Variants in TIAM2 observed in about 807,000 individuals in gnomAD.
TIAM2 encodes TIAM Rac1 associated GEF 2.
Under a neutral mutation model 152.9 loss-of-function variants are expected in TIAM2, and 80 were observed. The observed-to-expected ratio is 0.52, with a 90% CI of 0.44 to 0.63. The LOEUF (loss-of-function observed/expected upper bound fraction) is 0.63. Ranked by LOEUF, TIAM2 falls within the 30% of genes least tolerant of loss-of-function variation. The pLI is 0.00. For synonymous variants in TIAM2, 804 were observed against 838.0 expected (o/e 0.96, Z 0.70); for missense variants, 1,965 against 2,120.1 (o/e 0.93, Z 1.44).
rs1554227485 is a variant in TIAM2, at chr6:155,059,321, T to TGC, written c.-208-30967_-208-30966insCG. Among the ~76,000 whole-genome samples, 3 of 117,376 alleles carry TGC rather than the reference T, an allele frequency of 2.6e-5. No homozygotes were observed. The East Asian group carries it at 6.5e-4, about 25-fold the overall frequency. 77.0% of individuals were successfully genotyped at this position (117,376 alleles called of 152,430 possible). ...GTGTGTGTGTGTGTGTGTGTGTGTG[T>TGC]GTGTGCGCGTGTATGTTTTTGAGAC... On this transcript the variant is annotated intron_variant, in intron 1 of 26. Coordinates refer to ENST00000682666, the MANE Select transcript of TIAM2 (RefSeq NM_012454.4).
rs1272148909 is a variant in TIAM2, at chr6:155,068,335, T to C, written c.-208-21954T>C. 2.6e-5 allele frequency among the ~76,000 whole-genome samples: 4 copies of C among 152,236 alleles called. No homozygotes were observed. In the East Asian group the frequency reaches 5.8e-4, roughly 22 times the overall value. On this transcript the variant is annotated intron_variant, in intron 1 of 26. Transcript: ENST00000682666. Reference sequence around the variant, plus strand: ...GAGTGGAAATTTCTGCCTTTTCCTTTCTCTGTCTTTTATCAATCTCTATAG... The same window carrying C: ...GAGTGGAAATTTCTGCCTTTTCCTTCCTCTGTCTTTTATCAATCTCTATAG...
chr6:155,024,332 A>G (rs1024031535), intron 1 of TIAM2, among the ~76,000 whole-genome samples: 4 of 152,236 alleles, frequency 2.6e-5, no homozygotes, highest in Admixed American at 2.6e-4. Flanking sequence ...ACCAGAGATT[A>G]TAAGTATTAA....
intron 1 of TIAM2, among the ~76,000 whole-genome samples, chr6:155,081,723 T>C (rs1262014059): frequency 6.6e-6 from 1 of 152,212 alleles, no homozygotes; most frequent in Non-Finnish European, 1.5e-5. Flanking sequence ...ACAAAAGTGG[T>C]TGAGGAATTT....
chr6:155,188,112 A>C (rs1218488507), intron 14 of TIAM2, among the ~76,000 whole-genome samples: 1 of 152,214 alleles, frequency 6.6e-6, no homozygotes, highest in African/African-American at 2.4e-5. Context: ...AGTTCCCGGC[A>C]CATGATCTCT....
intron 2 of TIAM2, among the ~76,000 whole-genome samples, chr6:155,100,341 G>A (rs780496658): frequency 4.6e-5 from 7 of 152,190 alleles, no homozygotes; most frequent in East Asian, 3.9e-4. Flanking sequence ...TGAAGATGCC[G>A]GCTTGGAATA....
chr6:155,160,138 G>C (rs1163461666), intron 7 of TIAM2, among the ~76,000 whole-genome samples: 2 of 152,180 alleles, frequency 1.3e-5, no homozygotes, highest in African/African-American at 4.8e-5. Flanking sequence ...AGAGACAATG[G>C]TATAGTTCCA....
At chr6:155,051,526 C>T (rs1190028158) in intron 1 of TIAM2, among the ~76,000 whole-genome samples, 10 of 152,196 alleles carry the variant, frequency 6.6e-5, no homozygotes, top group African/African-American at 2.2e-4. Flanking sequence ...TAGGCCAGGA[C>T]GGAGACCCAA....
chr6:155,206,033 A>AAGG (rs1218827797), intron 14 of TIAM2, among the ~76,000 whole-genome samples: 1 of 152,150 alleles, frequency 6.6e-6, no homozygotes, highest in East Asian at 1.9e-4. Flanking sequence ...TTTCGTTGTA[A>AAGG]AGGATCTGGG....
Position 155,093,739 on chromosome 6 carries a change from C to T in TIAM2, c.-118+3360C>T, listed in dbSNP as rs540253013. On this transcript the variant is annotated intron_variant, in intron 2 of 26. Transcript: ENST00000682666. ...TCTGTAGAGAGGATTCCTCCAAGCA[C>T]CAGGAAGGCAGACTACATGGCCTCT... Among the ~76,000 whole-genome samples, 5 of 152,256 alleles carry T rather than the reference C, an allele frequency of 3.3e-5. No homozygotes were observed. The East Asian group carries it at 9.7e-4, about 29-fold the overall frequency.
At chr6:155,032,964 T>G (rs1263844900) in intron 1 of TIAM2, among the ~76,000 whole-genome samples, 1 of 152,236 alleles carries the variant, frequency 6.6e-6, no homozygotes, top group Non-Finnish European at 1.5e-5. Context: ...AAAACAGCTA[T>G]GTGTTAATTC....
rs146734733 is a variant in TIAM2 at position 155,130,173 on chromosome 6, G to C, written c.950G>C (p.Arg317Pro). 6.2e-7 allele frequency: 1 copy of C among 1,614,116 alleles called. No individual in the cohort carries two copies. The highest frequency in any genetic ancestry group is 1.3e-5 in the African/African-American group (1 of 75,022). The change falls in exon 4 of 27, where the codon CGC (arginine) becomes CCC (proline). Residue 317 changes from arginine to proline, a missense_variant. By Grantham distance (103) the Arg-to-Pro change is moderately radical. Around this residue, in one of 3 missense-constraint regions of TIAM2, gnomAD observed 1,025 missense variants for 1,119.4 expected, o/e 0.92. Coordinates refer to ENST00000682666, the MANE Select transcript of TIAM2 (RefSeq NM_012454.4). The stretch of plus-strand genomic sequence containing the variant: ...GGGAGCCTCTCCCCCTCAGGTATCC[G>C]CCTTTCTGATGAATACATGGGCACG... ...NLGSLSPSGI[R>P]LSDEYMGTHA...
At chr6:155,036,588 AT>A (rs1776926999) in intron 1 of TIAM2, among the ~76,000 whole-genome samples, 1 of 12,462 alleles carries the variant, frequency 8.0e-5, no homozygotes, top group Non-Finnish European at 2.9e-4. Context: ...GAAATTATTT[AT>A]TTATTTATTT....
intron 14 of TIAM2, among the ~76,000 whole-genome samples, chr6:155,191,171 T>C (rs1205970247): frequency 1.3e-5 from 2 of 152,178 alleles, no homozygotes; most frequent in Non-Finnish European, 2.9e-5. Flanking sequence ...CATCGGGCAG[T>C]GGTGAAGAGC....
At chr6:155,136,899 T>A (rs1225943195) in intron 4 of TIAM2, among the ~76,000 whole-genome samples, 1 of 152,234 alleles carries the variant, frequency 6.6e-6, no homozygotes, top group Non-Finnish European at 1.5e-5. Context: ...CTAGTTAATT[T>A]CTCGATGCTA....
intron 7 of TIAM2, among the ~76,000 whole-genome samples, chr6:155,149,481 G>A (rs1779897970): frequency 6.6e-6 from 1 of 152,162 alleles, no homozygotes; most frequent in South Asian, 2.1e-4. Flanking sequence ...AAATTTCATG[G>A]TAACACAACA....
At chr6:155,099,627 A>C (rs751016827) in intron 2 of TIAM2, among the ~76,000 whole-genome samples, 2 of 152,194 alleles carry the variant, frequency 1.3e-5, no homozygotes, top group Non-Finnish European at 2.9e-5. Flanking sequence ...GCTTCATAAC[A>C]GTGTTGTGAG....
chr6:155,189,975 A>C (rs1321408768), intron 14 of TIAM2, among the ~76,000 whole-genome samples: 4 of 152,196 alleles, frequency 2.6e-5, no homozygotes, highest in African/African-American at 9.7e-5. Flanking sequence ...GCAAGCTGGA[A>C]GACAGAGGCT....
chr6:155,120,217 T>C (rs991472486), intron 2 of TIAM2, among the ~76,000 whole-genome samples: 1 of 152,234 alleles, frequency 6.6e-6, no homozygotes, highest in African/African-American at 2.4e-5. Context: ...CGGAGGGCAT[T>C]CCTTGCCGCA....
At chr6:155,172,775 C>T (rs1780661505) in intron 9 of TIAM2, among the ~76,000 whole-genome samples, 1 of 140,266 alleles carries the variant, frequency 7.1e-6, no homozygotes, top group Admixed American at 7.6e-5. Flanking sequence ...GCAAAGGTAG[C>T]CAACCGTGGA....
Sources: allele counts gnomAD v4.1 joint callset (sites outside exome capture counted in the v4.1 genomes callset), GRCh38; gene constraint gnomAD v4.1.1; regional missense constraint gnomAD v4.1.1; transcripts MANE v1.5; gene names NCBI Gene and HGNC (gene_info 2026-07-23, HGNC 2026-07-21).